The following GPD2 variants were observed in gnomAD, a reference collection of about 807,000 sequenced individuals.
GPD2 encodes glycerol-3-phosphate dehydrogenase, mitochondrial.
A neutral mutation model predicts 82.4 loss-of-function variants in GPD2; 54 were observed. The observed-to-expected ratio is 0.66, with a 90% confidence interval of 0.53 to 0.82. The LOEUF (loss-of-function observed/expected upper bound fraction) is 0.82. Ranked by LOEUF, GPD2 falls within the 40% of genes least tolerant of loss-of-function variation. The pLI is 0.00. For missense variants in GPD2, 748 were observed against 896.2 expected, an observed-to-expected ratio of 0.83 and a Z score of 2.11; for synonymous variants, 288 against 306.1, an observed-to-expected ratio of 0.94 and a Z score of 0.62.
chr2:156,578,368 A>G (rs1558971630), intron 13 of GPD2, among the ~76,000 whole-genome samples: 1 of 151,176 alleles, frequency 6.6e-6, no homozygotes, highest in Non-Finnish European at 1.5e-5. Flanking sequence ...TTCACCTTTA[A>G]TTACTTTTTT....
chr2:156,564,778 G>A lies in GPD2; in HGVS notation c.1166-4047G>A, dbSNP rs554051181. ...TAAGGAAATTTGATCATCCTTAAAT[G>A]TATTATTTTTAATAAATTTATTCCC... On this transcript the variant is annotated intron_variant, in intron 9 of 16. Coordinates refer to ENST00000438166, the MANE Select transcript of GPD2 (RefSeq NM_000408.5). Among the ~76,000 whole-genome samples the A allele has an allele frequency of 2.0e-5, 3 of 152,110 alleles. No individual in the cohort carries two copies. The East Asian group carries it at 5.8e-4, about 29-fold the overall frequency.
At chr2:156,474,386 G>T (rs1300326636) in intron 1 of GPD2, among the ~76,000 whole-genome samples, 1 of 152,072 alleles carries the variant, frequency 6.6e-6, no homozygotes, top group Non-Finnish European at 1.5e-5. Context: ...TTTATGTTGA[G>T]ATACTGTTTT....
chr2:156,572,577 A>G (rs1479851884), intron 13 of GPD2, among the ~76,000 whole-genome samples: 1 of 152,162 alleles, frequency 6.6e-6, no homozygotes, highest in Non-Finnish European at 1.5e-5. Context: ...CTTGGGCTAG[A>G]GATATAAATT....
At chr2:156,423,545 TC>T in the GPD2 span, among the ~76,000 whole-genome samples, 1 of 152,206 alleles carries the variant, frequency 6.6e-6, no homozygotes. Flanking sequence ...AAAACACTGT[TC>T]CACATCTATT....
At chr2:156,547,464 T>C (rs1686588588) in intron 6 of GPD2, among the ~76,000 whole-genome samples, 1 of 152,202 alleles carries the variant, frequency 6.6e-6, no homozygotes. Context: ...CTACAAATAA[T>C]TTCACAATTC....
At chr2:156,498,534 G>A (rs1259444191) in intron 3 of GPD2, among the ~76,000 whole-genome samples, 1 of 152,208 alleles carries the variant, frequency 6.6e-6, no homozygotes, top group Admixed American at 6.5e-5. Context: ...GACAGCATGT[G>A]TTGTAATTTG....
At chr2:156,468,598 G>A (rs1409753133) in intron 1 of GPD2, among the ~76,000 whole-genome samples, 1 of 152,258 alleles carries the variant, frequency 6.6e-6, no homozygotes, top group East Asian at 1.9e-4. Flanking sequence ...TACATCTTGG[G>A]GTTTTTATTT....
chr2:156,548,896 G>A (rs554329846), intron 6 of GPD2, among the ~76,000 whole-genome samples: 22 of 152,250 alleles, frequency 1.4e-4, no homozygotes, highest in African/African-American at 5.3e-4. Flanking sequence ...AGTGATGCCA[G>A]TATTTTAAAG....
chr2:156,513,971 A>G (rs1038193364), intron 6 of GPD2, among the ~76,000 whole-genome samples: 4 of 152,256 alleles, frequency 2.6e-5, no homozygotes, highest in African/African-American at 7.2e-5. Flanking sequence ...TATTTTGCAC[A>G]GGACACAATT....
intron 1 of GPD2, among the ~76,000 whole-genome samples, chr2:156,460,800 A>C (rs781157228): frequency 1.3e-5 from 2 of 152,224 alleles, no homozygotes; most frequent in Non-Finnish European, 2.9e-5. Context: ...ACAGTCTTTC[A>C]AGTATGTAAG....
chr2:156,564,433 G>A (rs1574006037), intron 9 of GPD2, among the ~76,000 whole-genome samples: 3 of 152,248 alleles, frequency 2.0e-5, no homozygotes, highest in East Asian at 1.9e-4. Flanking sequence ...GGGTAAATAC[G>A]TGATATGGAG....
chr2:156,462,760 C>T, intron 1 of GPD2, among the ~76,000 whole-genome samples: 1 of 152,266 alleles, frequency 6.6e-6, no homozygotes, highest in Non-Finnish European at 1.5e-5. Flanking sequence ...ACATTGAAAA[C>T]CAAGTGTTAA....
At chr2:156,481,985 G>A (rs1049648628) in intron 2 of GPD2, among the ~76,000 whole-genome samples, 1 of 152,110 alleles carries the variant, frequency 6.6e-6, no homozygotes, top group Non-Finnish European at 1.5e-5. Context: ...CTATGAAATA[G>A]GGATAACAGT....
At chr2:156,570,473 C>T (rs1327090010) in intron 12 of GPD2, among the ~76,000 whole-genome samples, 2 of 152,132 alleles carry the variant, frequency 1.3e-5, no homozygotes, top group African/African-American at 4.8e-5. Context: ...TGTCCCTAAA[C>T]GTGTTAATTC....
At chr2:156,499,112 A>G (rs558079982) in intron 3 of GPD2, among the ~76,000 whole-genome samples, 1 of 152,312 alleles carries the variant, frequency 6.6e-6, no homozygotes, top group South Asian at 2.1e-4. Flanking sequence ...TTGTGTGAGT[A>G]TGAAGAGCTA....
intron 1 of GPD2, among the ~76,000 whole-genome samples, chr2:156,453,717 A>C (rs895127812): frequency 2.0e-5 from 3 of 152,156 alleles, no homozygotes; most frequent in Non-Finnish European, 4.4e-5. Flanking sequence ...GCTCTACTAA[A>C]GATACAAAAA....
At chr2:156,538,623 A>G (rs964317553) in intron 6 of GPD2, among the ~76,000 whole-genome samples, 1 of 152,038 alleles carries the variant, frequency 6.6e-6, no homozygotes, top group Non-Finnish European at 1.5e-5. Flanking sequence ...GATTGAGACC[A>G]TCCTGGCTAA....
chr2:156,401,156 C>A, the GPD2 span, among the ~76,000 whole-genome samples: 1 of 152,268 alleles, frequency 6.6e-6, no homozygotes, highest in Non-Finnish European at 1.5e-5. Context: ...TTGCATTGGC[C>A]GGGAATCGAA....
the GPD2 span, among the ~76,000 whole-genome samples, chr2:156,415,838 A>C: frequency 2.0e-5 from 3 of 151,774 alleles, no homozygotes; most frequent in South Asian, 6.3e-4. Flanking sequence ...CTGGGCAACA[A>C]TAGCGAAAGT....
Sources: allele counts gnomAD v4.1 joint callset (sites outside exome capture counted in the v4.1 genomes callset), GRCh38; gene constraint gnomAD v4.1.1; transcripts MANE v1.5; gene names NCBI Gene and HGNC (gene_info 2026-07-23, HGNC 2026-07-21).